Variants in SLC5A10 observed in about 807,000 individuals in gnomAD.
SLC5A10 encodes the protein sodium/mannose cotransporter SLC5A10.
A neutral mutation model predicts 68.9 loss-of-function variants in SLC5A10; 55 were observed. The observed-to-expected ratio is 0.80, with a 90% CI of 0.64 to 1.00. The LOEUF (loss-of-function observed/expected upper bound fraction) is 1.00, where lower values mean the gene tolerates loss of function less well. Among genes scored for constraint, SLC5A10 ranks in the 50% least tolerant of loss-of-function variants. SLC5A10 has a pLI of 0.00. For synonymous variants in SLC5A10, 344 were observed against 344.8 expected (o/e 1.00, Z 0.02); for missense variants, 732 against 819.3 (o/e 0.89, Z 1.30).
chr17:19,010,524 A>G (rs955139919), intron 9 of SLC5A10, among the ~76,000 whole-genome samples: 5 of 152,170 alleles, frequency 3.3e-5, no homozygotes, highest in African/African-American at 1.2e-4. Context: ...CGGTTCTCAT[A>G]AAGAAGTTCT....
chr17:18,966,435 G>T (rs1258720557), intron 5 of SLC5A10, among the ~76,000 whole-genome samples: 1 of 152,154 alleles, frequency 6.6e-6, no homozygotes, highest in African/African-American at 2.4e-5. Flanking sequence ...TGCAATTTGG[G>T]CCTTGACCTC....
intron 9 of SLC5A10, among the ~76,000 whole-genome samples, chr17:18,981,323 G>A (rs1356037774): frequency 6.6e-6 from 1 of 152,144 alleles, no homozygotes; most frequent in East Asian, 1.9e-4. Flanking sequence ...CTCAGGGGAG[G>A]AGGGGTGGGT....
chr17:19,012,715 G>C (rs745898587), intron 9 of SLC5A10, among the ~76,000 whole-genome samples: 2 of 152,164 alleles, frequency 1.3e-5, no homozygotes, highest in African/African-American at 4.8e-5. Flanking sequence ...GTAGACTGTT[G>C]AGAGGCTGAG....
intron 11 of SLC5A10, 188 bp from the exon 12 acceptor site, chr17:19,019,235 C>A: frequency 1.5e-6 from 1 of 645,794 alleles, no homozygotes; most frequent in South Asian, 2.1e-5. Flanking sequence ...ATCCAGGGAG[C>A]CACCAAAGGG....
At chr17:18,978,772 C>T (rs1437088304) in intron 9 of SLC5A10, 1 of 1,612,850 alleles carries the variant, frequency 6.2e-7, no homozygotes, top group Non-Finnish European at 8.5e-7. Context: ...CCTGGAACTG[C>T]CGGTCAAACA....
intron 9 of SLC5A10, among the ~76,000 whole-genome samples, chr17:18,992,091 G>A (rs2043440634): frequency 6.6e-6 from 1 of 152,168 alleles, no homozygotes; most frequent in Non-Finnish European, 1.5e-5. Context: ...GGCTCCTGGT[G>A]CCCAAACACC....
intron 9 of SLC5A10, chr17:18,977,847 G>A (rs1027117583): frequency 2.5e-6 from 4 of 1,610,552 alleles, no homozygotes; most frequent in East Asian, 2.2e-5. Context: ...GAGGGCCGTC[G>A]GGGGCCAGGG....
At chr17:19,005,563 T>A (rs1435896740) in intron 9 of SLC5A10, among the ~76,000 whole-genome samples, 1 of 151,984 alleles carries the variant, frequency 6.6e-6, no homozygotes, top group Non-Finnish European at 1.5e-5. Flanking sequence ...CCATACTTGC[T>A]CTGGATCTGG....
chr17:18,972,721 G>A (rs1049851824), intron 8 of SLC5A10, among the ~76,000 whole-genome samples: 7 of 152,132 alleles, frequency 4.6e-5, no homozygotes, highest in African/African-American at 1.7e-4. Flanking sequence ...AATTAGCTGG[G>A]CACGGTGGCA....
At position 19,017,240 on chromosome 17, in the gene SLC5A10, C is replaced by G. The variant is rs58556923; in HGVS notation, c.1241+2041C>G. ...TGGATAGAGCAGAAAGGGCCCCGTG[C>G]CAGGTGTCAGGCTGGCCAGCTCAAC... is the stretch of plus-strand genomic sequence containing the variant. On this transcript the variant is annotated intron_variant, in intron 11 of 14. Coordinates refer to ENST00000395645, the MANE Select transcript of SLC5A10 (RefSeq NM_001042450.4). This position sits in a 1 kb window ranked among gnomAD's most constrained non-coding sequence, Gnocchi z 5.6. The G allele has an allele frequency of 4.3e-3, 6,554 of 1,521,120 alleles. 113 individuals are homozygous for G. The African/African-American group carries it at 0.053, about 12-fold the overall frequency. The allele number at this position is 1,521,120 out of a possible 1,614,324, so 94.2% of individuals were successfully genotyped here. A position where few individuals can be genotyped will look rare whatever the true frequency, so the allele number is the denominator to read the frequency against.
chr17:18,988,216 A>G, intron 9 of SLC5A10: 1 of 1,599,212 alleles, frequency 6.3e-7, no homozygotes, highest in Non-Finnish European at 8.6e-7. Flanking sequence ...CCTGCCCTCC[A>G]GCCACCCAGG....
At chr17:19,015,832 C>T (rs1351149426) in intron 11 of SLC5A10, among the ~76,000 whole-genome samples, 1 of 152,204 alleles carries the variant, frequency 6.6e-6, no homozygotes, top group Non-Finnish European at 1.5e-5. Flanking sequence ...AGAGACCTCC[C>T]CGACACCCTT....
intron 9 of SLC5A10, among the ~76,000 whole-genome samples, chr17:18,987,681 AAG>A (rs2043306166): frequency 6.6e-6 from 1 of 152,116 alleles, no homozygotes; most frequent in Non-Finnish European, 1.5e-5. Flanking sequence ...CCCCACCCCA[AAG>A]GTTCTTTCTC....
chr17:18,952,132 C>T (rs2042378210), upstream of SLC5A10: 2 of 1,537,358 alleles, frequency 1.3e-6, no homozygotes, highest in Non-Finnish European at 1.7e-6. Context: ...GAGCTCCCTG[C>T]CAGGAAACCC....
chr17:18,957,897 C>T (rs1426160098), intron 1 of SLC5A10, among the ~76,000 whole-genome samples: 1 of 152,218 alleles, frequency 6.6e-6, no homozygotes, highest in Admixed American at 6.5e-5. Context: ...TTCCTGCCTC[C>T]CAGCCCCTGG....
chr17:18,983,764 G>A (rs901858636), intron 9 of SLC5A10, among the ~76,000 whole-genome samples: 6 of 152,204 alleles, frequency 3.9e-5, no homozygotes, highest in Admixed American at 6.5e-5. Context: ...TGAAGTTGGG[G>A]TGGTGGGCCC....
rs1652353064 is a variant in SLC5A10, at chr17:19,004,804, T to G, written c.983-8606T>G. 6.6e-6 allele frequency: 1 copy of G among 151,122 alleles called. No individual in the cohort carries two copies. The highest frequency in any genetic ancestry group is 2.1e-4 in the South Asian group (1 of 4,828). 9.4% of individuals were successfully genotyped at this position (151,122 alleles called of 1,614,324 possible). On this transcript the variant is annotated intron_variant, in intron 9 of 14. Coordinates refer to ENST00000395645, the MANE Select transcript of SLC5A10 (RefSeq NM_001042450.4). This position sits in a 1 kb window ranked among gnomAD's most constrained non-coding sequence, Gnocchi z 5.4. ...CGCCGGTGACTCAGGGCCGCCCCGC[T>G]TACCCCGCCGCCGCCACCTGCGGTC...
At chr17:18,978,831 G>A (rs58145896) in intron 9 of SLC5A10, 8 of 1,612,122 alleles carry the variant, frequency 5.0e-6, no homozygotes, top group East Asian at 2.2e-5. Flanking sequence ...CGGTCCGTCC[G>A]CGCGGCCGAC....
chr17:18,989,610 A>G (rs985146278), intron 9 of SLC5A10, among the ~76,000 whole-genome samples: 2 of 152,030 alleles, frequency 1.3e-5, no homozygotes, highest in African/African-American at 4.8e-5. Context: ...AGGAGAATGG[A>G]GCACACCTGA....
Sources: gnomAD v4.1 joint callset for allele counts (sites outside exome capture counted in the v4.1 genomes callset) on GRCh38, gnomAD v4.1.1 for gene constraint, Gnocchi (gnomAD v3.1) non-coding constraint, MANE v1.5 for transcripts, NCBI Gene and HGNC (gene_info 2026-07-23, HGNC 2026-07-21) for gene names.